Variants in DCC observed in about 807,000 individuals in gnomAD.
DCC encodes the protein netrin receptor DCC.
DCC carries 58 observed loss-of-function variants against 172.5 expected under a neutral mutation model. The observed-to-expected ratio is 0.34, with a 90% CI of 0.27 to 0.42. The LOEUF (loss-of-function observed/expected upper bound fraction) is 0.42, where lower values mean the gene tolerates loss of function less well. Ranked by LOEUF, DCC falls within the 10% of genes least tolerant of loss-of-function variation. The probability of loss-of-function intolerance (pLI) is 1.00; values close to 1 mark genes in which losing one functional copy is unlikely to be tolerated. For missense variants in DCC, 1,740 were observed against 1,791.0 expected (o/e 0.97, Z 0.51); for synonymous variants, 709 against 644.5 (o/e 1.10, Z -1.52).
intron 1 of DCC, among the ~76,000 whole-genome samples, chr18:52,531,162 C>T (rs1174672739): frequency 6.6e-6 from 1 of 152,170 alleles, no homozygotes; most frequent in Non-Finnish European, 1.5e-5. Context: ...ATGGGGAATT[C>T]CTTATCACCA....
At chr18:53,173,605 C>A (rs555557869) in intron 8 of DCC, among the ~76,000 whole-genome samples, 1 of 151,982 alleles carries the variant, frequency 6.6e-6, no homozygotes, top group Non-Finnish European at 1.5e-5. Flanking sequence ...ATGGTAAAGG[C>A]ATCAATTCAA....
At chr18:53,216,076 C>T (rs55915244) in intron 12 of DCC, among the ~76,000 whole-genome samples, 13,522 of 152,200 alleles carry the variant, frequency 0.089, 757 homozygotes, top group African/African-American at 0.15. Flanking sequence ...AACTTCAATA[C>T]AGTTATATTT....
chr18:53,181,196 T>G (rs1227708645), intron 9 of DCC, among the ~76,000 whole-genome samples: 1 of 152,190 alleles, frequency 6.6e-6, no homozygotes, highest in African/African-American at 2.4e-5. Context: ...ATGGATTATC[T>G]GAATTTTTCA....
chr18:53,045,432 A>G (rs1215831827), intron 5 of DCC, among the ~76,000 whole-genome samples: 1 of 151,702 alleles, frequency 6.6e-6, no homozygotes, highest in Non-Finnish European at 1.5e-5. Flanking sequence ...TCACAGGAGA[A>G]GATGTTTAGG....
At chr18:53,017,949 T>C (rs1599032431) in intron 5 of DCC, among the ~76,000 whole-genome samples, 1 of 152,194 alleles carries the variant, frequency 6.6e-6, no homozygotes, top group Non-Finnish European at 1.5e-5. Flanking sequence ...GTTTAGAACA[T>C]TTGGGTTGCA....
At chr18:53,353,836 T>G (rs540079607) in intron 15 of DCC, among the ~76,000 whole-genome samples, 261 of 152,272 alleles carry the variant, frequency 1.7e-3, no homozygotes, top group South Asian at 4.1e-3. Context: ...TTGTTACATA[T>G]GTATACATGT....
At chr18:53,396,947 A>G (rs1452899950) in intron 17 of DCC, among the ~76,000 whole-genome samples, 1 of 152,088 alleles carries the variant, frequency 6.6e-6, no homozygotes, top group Non-Finnish European at 1.5e-5. Flanking sequence ...GAAAAAAGAT[A>G]TGTAAATACC....
intron 12 of DCC, among the ~76,000 whole-genome samples, chr18:53,257,842 G>A (rs2056541661): frequency 6.6e-6 from 1 of 152,118 alleles, no homozygotes; most frequent in African/African-American, 2.4e-5. Context: ...ATCTGGTCCT[G>A]GACTTTTTTT....
intron 1 of DCC, among the ~76,000 whole-genome samples, chr18:52,535,233 C>CA (rs1423334231): frequency 4.6e-5 from 7 of 152,152 alleles, no homozygotes; most frequent in African/African-American, 1.4e-4. Flanking sequence ...CTTAGTAATG[C>CA]AAAATCCACT....
At chr18:52,536,663 C>A (rs2032298129) in intron 1 of DCC, among the ~76,000 whole-genome samples, 1 of 152,106 alleles carries the variant, frequency 6.6e-6, no homozygotes, top group African/African-American at 2.4e-5. Context: ...CATACCTAAA[C>A]CTTCCAAAAT....
At chr18:52,645,226 A>T (rs557407089) in intron 1 of DCC, among the ~76,000 whole-genome samples, 1 of 152,318 alleles carries the variant, frequency 6.6e-6, no homozygotes, top group African/African-American at 2.4e-5. Context: ...AACCTTGAGT[A>T]GTTCATCGCA....
chr18:53,235,729 T>C (rs1402899124), intron 12 of DCC, among the ~76,000 whole-genome samples: 6 of 152,098 alleles, frequency 3.9e-5, no homozygotes, highest in Non-Finnish European at 8.8e-5. Flanking sequence ...TCCAGAACTT[T>C]TTCATCATCT....
At chr18:52,735,280 G>T (rs1301057167) in intron 1 of DCC, among the ~76,000 whole-genome samples, 1 of 152,062 alleles carries the variant, frequency 6.6e-6, no homozygotes, top group East Asian at 1.9e-4. Flanking sequence ...GGGCTCACTG[G>T]TTGCCAACAT....
intron 2 of DCC, among the ~76,000 whole-genome samples, chr18:52,817,284 A>C (rs1316926142): frequency 1.3e-5 from 2 of 152,060 alleles, no homozygotes; most frequent in Non-Finnish European, 2.9e-5. Flanking sequence ...TATTTTTATA[A>C]TATCTGCCTT....
intron 16 of DCC, among the ~76,000 whole-genome samples, chr18:53,390,251 TTCTC>T (rs3838902): frequency 1.5e-5 from 2 of 133,432 alleles, no homozygotes; most frequent in African/African-American, 2.5e-5. Context: ...CTCTTTCTCT[TTCTC>T]TCTCTCTCTC....
At chr18:53,458,130 G>A (rs2045505786) in intron 23 of DCC, among the ~76,000 whole-genome samples, 1 of 152,132 alleles carries the variant, frequency 6.6e-6, no homozygotes, top group South Asian at 2.1e-4. Context: ...GTGGGAAGTA[G>A]ATGCTTCTCT....
At chr18:53,246,953 G>T (rs2056372129) in intron 12 of DCC, among the ~76,000 whole-genome samples, 1 of 151,974 alleles carries the variant, frequency 6.6e-6, no homozygotes, top group Non-Finnish European at 1.5e-5. Flanking sequence ...AATGATGGTT[G>T]GGTTTCATAT....
intron 5 of DCC, among the ~76,000 whole-genome samples, chr18:52,993,764 G>A (rs375083219): frequency 3.3e-5 from 5 of 151,882 alleles, no homozygotes; most frequent in African/African-American, 7.3e-5. Flanking sequence ...TCTACTTTGC[G>A]GGAATAAGTA....
At chr18:52,625,083 T>C (rs2034548541) in intron 1 of DCC, among the ~76,000 whole-genome samples, 1 of 152,166 alleles carries the variant, frequency 6.6e-6, no homozygotes, top group African/African-American at 2.4e-5. Context: ...CTGAATACTG[T>C]AGGCAATTGT....
Sources: gnomAD v4.1 joint callset for allele counts (sites outside exome capture counted in the v4.1 genomes callset) on GRCh38, gnomAD v4.1.1 for gene constraint, MANE v1.5 for transcripts, NCBI Gene and HGNC (gene_info 2026-07-23, HGNC 2026-07-21) for gene names.